The following ARID3A variants were observed in gnomAD, a reference collection of about 807,000 sequenced individuals.
ARID3A encodes AT-rich interactive domain-containing protein 3A.
A neutral mutation model predicts 52.7 loss-of-function variants in ARID3A; 11 were observed. That is an observed-to-expected ratio of 0.21 (90% CI 0.13 to 0.35). The LOEUF is 0.35. Among genes scored for constraint, ARID3A ranks in the 10% least tolerant of loss-of-function variants. The pLI, the probability that ARID3A is intolerant of heterozygous loss-of-function variation, is 1.00. For synonymous variants in ARID3A, 404 were observed against 359.4 expected (o/e 1.12, Z -1.40); for missense variants, 721 against 838.5 (o/e 0.86, Z 1.73).
intron 3 of ARID3A, among the ~76,000 whole-genome samples, chr19:952,590 T>G (rs992410482): frequency 1.3e-5 from 2 of 151,874 alleles, no homozygotes; most frequent in African/African-American, 4.8e-5. Flanking sequence ...CGCTAGACAC[T>G]TGGATTCTTT....
chr19:931,761 C>T lies in ARID3A; in HGVS notation c.369-657C>T, dbSNP rs1240341658. On this transcript the variant is annotated intron_variant, in intron 2 of 8. Coordinates refer to ENST00000263620, the MANE Select transcript of ARID3A (RefSeq NM_005224.3). ...CCGGGAGGCGGAGCTTGCAGTGAGC[C>T]GAGATTGCGCCGTTGCACTCCAGCC... is the stretch of plus-strand genomic sequence containing the variant. Among the ~76,000 whole-genome samples, 7 of 149,294 alleles carry T rather than the reference C, an allele frequency of 4.7e-5. No individual in the cohort carries two copies. The East Asian group carries it at 8.2e-4, about 17-fold the overall frequency.
intron 3 of ARID3A, among the ~76,000 whole-genome samples, chr19:943,853 C>T (rs552855731): frequency 6.1e-4 from 93 of 152,204 alleles, no homozygotes; most frequent in East Asian, 3.7e-3. Context: ...TGTCTGAGCC[C>T]GACCCTTTCA....
chr19:954,074 C>T (rs755213691), intron 3 of ARID3A, among the ~76,000 whole-genome samples: 26 of 151,554 alleles, frequency 1.7e-4, no homozygotes, highest in African/African-American at 5.3e-4. Flanking sequence ...AGCTCAAGGC[C>T]GGGGCGGAGG....
chr19:932,680 G>T lies in ARID3A; in HGVS notation c.631G>T (p.Val211Leu). Reference sequence around the variant, plus strand: ...TGCCCACCCCGGAGGGGCCGCCCACGTAGCCCCGCAGCTGCAGCCGCCTGA... The same window carrying T: ...TGCCCACCCCGGAGGGGCCGCCCACTTAGCCCCGCAGCTGCAGCCGCCTGA... ...GPAHPGGAAH[V>L]APQLQPPDHG... Residue 211 changes from valine (V) to leucine (L), a missense_variant, in exon 3 of 9, where the codon GTA becomes TTA. Val to Leu is a conservative substitution (Grantham distance 32). Coordinates refer to ENST00000263620, the MANE Select transcript of ARID3A (RefSeq NM_005224.3). 3.2e-6 allele frequency: 5 copies of T among 1,546,230 alleles called. No homozygotes were observed. The highest frequency in any genetic ancestry group is 4.4e-6 in the Non-Finnish European group (5 of 1,146,176).
At chr19:969,106 A>G (rs945596962) in intron 8 of ARID3A, among the ~76,000 whole-genome samples, 1 of 151,994 alleles carries the variant, frequency 6.6e-6, no homozygotes, top group Admixed American at 6.6e-5. Flanking sequence ...TAATGAATGT[A>G]TTTTTTATTT....
rs1568363392 is a variant in ARID3A, at chr19:947,185, C to A, written c.694-12907C>A. ...GTGTGTCTGTGTGTGGCCTGGGGCA[C>A]CCCCTGCCGTCAGCCCAGATCTGTG... On this transcript the variant is annotated intron_variant, in intron 3 of 8. Coordinates refer to ENST00000263620, the MANE Select transcript of ARID3A (RefSeq NM_005224.3). This position sits in a 1 kb window ranked among gnomAD's most constrained non-coding sequence, Gnocchi z 6.3. 6.6e-6 allele frequency among the ~76,000 whole-genome samples: 1 copy of A among 152,124 alleles called. No individual in the cohort carries two copies. Among genetic ancestry groups the A allele is most frequent in the African/African-American group, 2.4e-5 (1 of 41,418 alleles).
chr19:953,489 A>G (rs1363783882), intron 3 of ARID3A, among the ~76,000 whole-genome samples: 1 of 150,968 alleles, frequency 6.6e-6, no homozygotes, highest in Non-Finnish European at 1.5e-5. Flanking sequence ...CCCCCCGTGC[A>G]GAGCCGGGGG....
Position 973,380 on chromosome 19 carries a change from C to T in ARID3A, c.*1315C>T. The T allele has an allele frequency of 5.4e-6, 1 of 185,350 alleles. No homozygotes were observed. The highest frequency in any genetic ancestry group is 2.0e-4 in the South Asian group (1 of 5,104). 11.5% of individuals were successfully genotyped at this position (185,350 alleles called of 1,614,324 possible). On this transcript the variant is annotated 3_prime_UTR_variant, in exon 9 of 9. Coordinates refer to ENST00000263620, the MANE Select transcript of ARID3A (RefSeq NM_005224.3). Reference sequence around the variant, plus strand: ...CTGCCCGCCTTGGCCTCCCAAAGTGCTGGGATTACAGGCATGAGCCGCCAC... The same window carrying T: ...CTGCCCGCCTTGGCCTCCCAAAGTGTTGGGATTACAGGCATGAGCCGCCAC...
chr19:972,478 A>G lies in ARID3A; in HGVS notation c.*413A>G. On this transcript the variant is annotated 3_prime_UTR_variant, in exon 9 of 9. Transcript: ENST00000263620. ...TGTGGGCCGATCCTGTTTACCTCATACATCCCTGCACTGTGTGTTTTCATT... is the reference window on the plus strand; with the variant it reads ...TGTGGGCCGATCCTGTTTACCTCATGCATCCCTGCACTGTGTGTTTTCATT... 1 of 214,866 alleles carries G rather than the reference A, an allele frequency of 4.7e-6. No individual in the cohort carries two copies. The highest frequency in any genetic ancestry group is 9.4e-6 in the Non-Finnish European group (1 of 106,142). 13.3% of individuals were successfully genotyped at this position (214,866 alleles called of 1,614,324 possible).
Position 929,439 on chromosome 19 carries a change from C to CCCG in ARID3A, c.-88_-87insGCC. 2.5e-5 allele frequency: 31 copies of CCCG among 1,250,608 alleles called. No homozygotes were observed. The highest frequency in any genetic ancestry group is 3.0e-5 in the Non-Finnish European group (30 of 984,868). The allele number at this position is 1,250,608 out of a possible 1,614,324, so 77.5% of individuals were successfully genotyped here. On this transcript the variant is annotated 5_prime_UTR_variant, in exon 2 of 9. Transcript: ENST00000263620. The surrounding 1 kb of genome is among the most constrained non-coding windows in gnomAD (Gnocchi z 6.2). ...CCCCACGCTGCAGTGCGGCCGGGCCCCCTCCCCGCAGGGGCCGCCCCCGCC... is the reference window on the plus strand; with the variant it reads ...CCCCACGCTGCAGTGCGGCCGGGCCCCCGCCTCCCCGCAGGGGCCGCCCCCGCC...
At position 959,829 on chromosome 19, in the gene ARID3A, G is replaced by C. The variant is rs1203307775; in HGVS notation, c.694-263G>C. Among the ~76,000 whole-genome samples the C allele has an allele frequency of 1.3e-5, 2 of 152,162 alleles. No homozygotes were observed. The highest frequency in any genetic ancestry group is 4.8e-5 in the African/African-American group (2 of 41,422). On this transcript the variant is annotated intron_variant, in intron 3 of 8. Transcript: ENST00000263620. This position sits in a 1 kb window ranked among gnomAD's most constrained non-coding sequence, Gnocchi z 5.0. ...GTTCCCGGGCCCCTGGACCGGGAGAGGACACTGTCTTGTCCCAGGCCACCT... is the reference window on the plus strand; with the variant it reads ...GTTCCCGGGCCCCTGGACCGGGAGACGACACTGTCTTGTCCCAGGCCACCT...
In ARID3A at chr19:929,999, C is replaced by T. The variant is rs1166963826; in HGVS notation, c.368+103C>T. 6.9e-7 allele frequency: 1 copy of T among 1,454,434 alleles called. No individual in the cohort carries two copies. The highest frequency in any genetic ancestry group is 9.1e-7 in the Non-Finnish European group (1 of 1,094,284). 90.1% of individuals were successfully genotyped at this position (1,454,434 alleles called of 1,614,324 possible). ...GAGTAAGGGTCAGGTCGCGGGATCTCCTTCCTGTAATTCCAGCAGTTTGAG... is the reference window on the plus strand; with the variant it reads ...GAGTAAGGGTCAGGTCGCGGGATCTTCTTCCTGTAATTCCAGCAGTTTGAG... On this transcript the variant is annotated intron_variant, in intron 2 of 8. Transcript: ENST00000263620. The surrounding 1 kb of genome is among the most constrained non-coding windows in gnomAD (Gnocchi z 6.2).
intron 3 of ARID3A, among the ~76,000 whole-genome samples, chr19:934,585 C>T (rs903896537): frequency 1.3e-5 from 2 of 152,202 alleles, no homozygotes; most frequent in Non-Finnish European, 2.9e-5. Flanking sequence ...ATCCTGCCGC[C>T]CCGCACCTGC....
chr19:951,321 C>A (rs2037799030), intron 3 of ARID3A, among the ~76,000 whole-genome samples: 1 of 151,004 alleles, frequency 6.6e-6, no homozygotes, highest in African/African-American at 2.4e-5. Context: ...CTTTGGGAGG[C>A]CGAGGCGGGC....
At chr19:966,967 G>GC in intron 7 of ARID3A, 99 bp downstream of exon 7, 8 of 1,171,386 alleles carry the variant, frequency 6.8e-6, no homozygotes, top group Non-Finnish European at 1.1e-6. Flanking sequence ...AAATCAATAA[G>GC]AAAAAAAAAG....
At position 935,480 on chromosome 19, in the gene ARID3A, G is replaced by A. The variant is rs74897478; in HGVS notation, c.693+2738G>A. Among the ~76,000 whole-genome samples, 1,404 of 152,224 alleles carry A rather than the reference G, an allele frequency of 9.2e-3. 34 individuals carry two copies. The highest frequency in any genetic ancestry group is 0.032 in the African/African-American group (1,346 of 41,528). On this transcript the variant is annotated intron_variant, in intron 3 of 8. Coordinates refer to ENST00000263620, the MANE Select transcript of ARID3A (RefSeq NM_005224.3). ...AAGCGGCCACGGTAGGATTTTATTG[G>A]ATTATTATTATTTTTGAGGCAGGGT...
Position 929,626 on chromosome 19 carries a change from C to T in ARID3A, c.98C>T (p.Ala33Val), listed in dbSNP as rs1405142146. The T allele has an allele frequency of 6.5e-7, 1 of 1,526,888 alleles. No homozygotes were observed. The allele number at this position is 1,526,888 out of a possible 1,614,324, so 94.6% of individuals were successfully genotyped here. A position where few individuals can be genotyped will look rare whatever the true frequency, so the allele number is the denominator to read the frequency against. The change falls in exon 2 of 9, where the codon GCT becomes GTT. Residue 33 changes from alanine to valine, a missense_variant. Physicochemically the swap from Ala to Val is moderately conservative, Grantham distance 64. Coordinates refer to ENST00000263620, the MANE Select transcript of ARID3A (RefSeq NM_005224.3). The surrounding 1 kb of genome is among the most constrained non-coding windows in gnomAD (Gnocchi z 6.2). ...CAGCAGCTGCCCCCCGATCCCCCTGCTGCACCCCCCGGCCGGGCCCGGGCT... is the reference window on the plus strand; with the variant it reads ...CAGCAGCTGCCCCCCGATCCCCCTGTTGCACCCCCCGGCCGGGCCCGGGCT... ...ARQQLPPDPP[A>V]APPGRARAAP...
At chr19:951,604 G>T (rs892296178) in intron 3 of ARID3A, among the ~76,000 whole-genome samples, 1 of 152,044 alleles carries the variant, frequency 6.6e-6, no homozygotes, top group African/African-American at 2.4e-5. Flanking sequence ...AGAGTTCCCC[G>T]GCTGGTCTGG....
At chr19:971,801 C>A (rs1363384056) in intron 8 of ARID3A, 77 bp from the exon 9 acceptor site, 6 of 1,496,516 alleles carry the variant, frequency 4.0e-6, no homozygotes, top group Non-Finnish European at 5.3e-6. Flanking sequence ...CCCGGAGCAC[C>A]CCATTGGGTC....
Sources: allele counts gnomAD v4.1 joint callset (sites outside exome capture counted in the v4.1 genomes callset), GRCh38; gene constraint gnomAD v4.1.1; non-coding constraint Gnocchi (gnomAD v3.1); transcripts MANE v1.5; gene names NCBI Gene and HGNC (gene_info 2026-07-23, HGNC 2026-07-21).